The following CPEB1 variants were observed in gnomAD, a reference collection of about 807,000 sequenced individuals.
CPEB1 encodes cytoplasmic polyadenylation element-binding protein 1.
In CPEB1, 7 loss-of-function variants were observed where a neutral mutation model predicts 65.8. The observed-to-expected ratio is 0.11, with a 90% CI of 0.06 to 0.20. CPEB1 has a LOEUF of 0.20. Among genes scored for constraint, CPEB1 ranks in the 10% least tolerant of loss-of-function variants. CPEB1 has a pLI of 1.00. For missense variants in CPEB1, 551 were observed against 712.2 expected (o/e 0.77, Z 2.58); for synonymous variants, 262 against 260.0 (o/e 1.01, Z -0.08).
chr15:82,593,154 T>G (rs1462357056), intron 3 of CPEB1, among the ~76,000 whole-genome samples: 3 of 152,186 alleles, frequency 2.0e-5, no homozygotes, highest in Non-Finnish European at 4.4e-5. Flanking sequence ...AAGACAACCA[T>G]GATGTTTGCC....
intron 7 of CPEB1, 33 bp from the exon 8 acceptor site, chr15:82,553,589 G>C: frequency 6.8e-7 from 1 of 1,480,182 alleles, no homozygotes; most frequent in Non-Finnish European, 9.4e-7. Context: ...GGCAGAAGCT[G>C]AGGAACCATC....
chr15:82,557,617 A>C lies in CPEB1; in HGVS notation c.687+143T>G. 5 of 681,910 alleles carry C rather than the reference A, an allele frequency of 7.3e-6. No individual in the cohort carries two copies. In the South Asian group the frequency reaches 9.3e-5, roughly 13 times the overall value. 42.2% of individuals were successfully genotyped at this position (681,910 alleles called of 1,614,324 possible). A position where few individuals can be genotyped will look rare whatever the true frequency, so the allele number is the denominator to read the frequency against. On this transcript the variant is annotated intron_variant, in intron 5 of 12. Coordinates refer to ENST00000684509, the MANE Select transcript of CPEB1 (RefSeq NM_001365242.1). ...GGATGAGAACTCTACAAATGTCCAC[A>C]ATAATCTCCACTCCTCCCCTCATCC...
At chr15:82,629,782 T>C (rs1311255102) in intron 1 of CPEB1, 11 of 985,290 alleles carry the variant, frequency 1.1e-5, no homozygotes, top group African/African-American at 1.7e-5. Flanking sequence ...AGAGGCCCAA[T>C]GTCATTTTGT....
intron 3 of CPEB1, among the ~76,000 whole-genome samples, chr15:82,596,956 T>A (rs1282778214): frequency 1.3e-5 from 2 of 152,162 alleles, no homozygotes; most frequent in Non-Finnish European, 2.9e-5. Flanking sequence ...ATGCCAATTT[T>A]AAAGAATCTG....
At position 82,628,473 on chromosome 15, in the gene CPEB1, G is replaced by A. The variant is rs1210624697; in HGVS notation, c.-14C>T. The A allele has an allele frequency of 1.4e-6, 1 of 702,734 alleles. No homozygotes were observed. The highest frequency in any genetic ancestry group is 2.6e-6 in the Non-Finnish European group (1 of 384,944). The allele number at this position is 702,734 out of a possible 1,614,324, so 43.5% of individuals were successfully genotyped here. A position where few individuals can be genotyped will look rare whatever the true frequency, so the allele number is the denominator to read the frequency against. On this transcript the variant is annotated 5_prime_UTR_variant, in exon 2 of 13. Transcript: ENST00000684509. ...GCCAGAAAACATATTGACATTAGAT[G>A]ATCTGGCAAAAGGGTTCCGATTATT...
intron 1 of CPEB1, 94 bp from the exon 2 acceptor site, chr15:82,628,650 A>T: frequency 1.7e-6 from 1 of 581,130 alleles, no homozygotes; most frequent in East Asian, 2.9e-5. Context: ...ATTTCTGTAA[A>T]GTTACACTGA....
rs540341431 is a variant in CPEB1 at position 82,593,018 on chromosome 15, A to C, written c.272-21486T>G. Among the ~76,000 whole-genome samples the C allele has an allele frequency of 4.9e-4, 74 of 152,232 alleles. 1 individual carries two copies. The South Asian group carries it at 0.014, about 29-fold the overall frequency. On this transcript the variant is annotated intron_variant, in intron 3 of 12. Transcript: ENST00000684509. ...TCTCAAAAAAAGAAAAAAGAAACTT[A>C]ATAATTATCAGAGACTTCAGTGAGT...
In CPEB1 at chr15:82,624,029, T is replaced by G. The variant is rs567182956; in HGVS notation, c.271+3164A>C. Among the ~76,000 whole-genome samples the G allele has an allele frequency of 4.6e-5, 7 of 152,358 alleles. No homozygotes were observed. In the South Asian group the frequency reaches 1.0e-3, roughly 23 times the overall value. On this transcript the variant is annotated intron_variant, in intron 3 of 12. Coordinates refer to ENST00000684509, the MANE Select transcript of CPEB1 (RefSeq NM_001365242.1). Reference sequence around the variant, plus strand: ...ATTTCCTTCAAGGAACAAAATTACTTTTGATCAGAAGCTACAAGTTTGGGT... The same window carrying G: ...ATTTCCTTCAAGGAACAAAATTACTGTTGATCAGAAGCTACAAGTTTGGGT...
At chr15:82,611,209 T>C (rs1394935482) in intron 3 of CPEB1, among the ~76,000 whole-genome samples, 3 of 151,866 alleles carry the variant, frequency 2.0e-5, no homozygotes, top group Non-Finnish European at 4.4e-5. Flanking sequence ...CCAGAAGGCA[T>C]GATCTTAGAT....
At chr15:82,644,597 G>C (rs1383614975) in intron 1 of CPEB1, among the ~76,000 whole-genome samples, 2 of 152,058 alleles carry the variant, frequency 1.3e-5, no homozygotes, top group Non-Finnish European at 2.9e-5. Flanking sequence ...AATAGAGATA[G>C]CCAGTTTAGA....
chr15:82,554,699 T>C (rs1477619341), intron 6 of CPEB1, among the ~76,000 whole-genome samples: 1 of 152,236 alleles, frequency 6.6e-6, no homozygotes, highest in Non-Finnish European at 1.5e-5. Flanking sequence ...CTTGCCCATT[T>C]ATTTCACCCT....
chr15:82,590,955 T>C (rs900214774), intron 3 of CPEB1, among the ~76,000 whole-genome samples: 41 of 152,230 alleles, frequency 2.7e-4, no homozygotes, highest in South Asian at 4.1e-4. Context: ...TTTGCTATTG[T>C]GAATAGCACT....
chr15:82,611,041 C>G (rs561209958), intron 3 of CPEB1, among the ~76,000 whole-genome samples: 1 of 146,834 alleles, frequency 6.8e-6, no homozygotes, highest in Non-Finnish European at 1.5e-5. Context: ...ACAAAAACAC[C>G]CACATCTAAC....
chr15:82,561,433 G>C (rs548962455), intron 4 of CPEB1, among the ~76,000 whole-genome samples: 1 of 152,294 alleles, frequency 6.6e-6, no homozygotes, highest in East Asian at 1.9e-4. Context: ...TGGCACAGCA[G>C]AGAGCTCTGA....
At chr15:82,601,466 A>C (rs1275999704) in intron 3 of CPEB1, among the ~76,000 whole-genome samples, 1 of 152,018 alleles carries the variant, frequency 6.6e-6, no homozygotes, top group Non-Finnish European at 1.5e-5. Flanking sequence ...GCTTGAAACC[A>C]GGAGGCGGAG....
At chr15:82,566,432 T>C (rs111985064) in intron 4 of CPEB1, among the ~76,000 whole-genome samples, 8 of 152,102 alleles carry the variant, frequency 5.3e-5, no homozygotes, top group South Asian at 2.1e-4. Context: ...TCTGAAGGAA[T>C]AGGAAGGGGG....
At chr15:82,589,533 C>CA (rs1256673275) in intron 3 of CPEB1, among the ~76,000 whole-genome samples, 3 of 152,104 alleles carry the variant, frequency 2.0e-5, no homozygotes, top group African/African-American at 7.2e-5. Flanking sequence ...CACTTGAAGT[C>CA]AGGAGTTTAG....
rs1199132664 is a variant in CPEB1, at chr15:82,626,958, TTTC to T, written c.271+232_271+234del. On this transcript the variant is annotated intron_variant, in intron 3 of 12. Transcript: ENST00000684509. ...TAAATACTTGTGTAATCTGTGACCTTTTCTTTTTTCCCCAACCTTTCTGTGTAT... is the reference window on the plus strand; with the variant it reads ...TAAATACTTGTGTAATCTGTGACCTTTTTTTTCCCCAACCTTTCTGTGTAT... Among the ~76,000 whole-genome samples, 5 of 152,228 alleles carry T rather than the reference TTTC, an allele frequency of 3.3e-5. No individual in the cohort carries two copies. In the East Asian group the frequency reaches 5.8e-4, roughly 18 times the overall value.
intron 3 of CPEB1, chr15:82,583,283 C>T (rs1279950293): frequency 2.0e-5 from 3 of 152,108 alleles, no homozygotes; most frequent in Non-Finnish European, 4.4e-5. Flanking sequence ...GTTCAGAGTC[C>T]TTGAATACAA....
Sources: allele counts gnomAD v4.1 joint callset (sites outside exome capture counted in the v4.1 genomes callset), GRCh38; gene constraint gnomAD v4.1.1; transcripts MANE v1.5; gene names NCBI Gene and HGNC (gene_info 2026-07-23, HGNC 2026-07-21).